TXNL1: variants seen among roughly 807,000 people sequenced by gnomAD.
TXNL1 encodes thioredoxin-like protein 1.
A neutral mutation model predicts 35.5 loss-of-function variants in TXNL1; 14 were observed. The observed-to-expected ratio is 0.39, with a 90% CI of 0.26 to 0.62. The LOEUF is 0.62. Among genes scored for constraint, TXNL1 ranks in the 20% least tolerant of loss-of-function variants. The probability of loss-of-function intolerance (pLI) is 0.47; values close to 1 mark genes in which losing one functional copy is unlikely to be tolerated. For missense variants in TXNL1, 263 were observed against 349.7 expected, an observed-to-expected ratio of 0.75 and a Z score of 1.98; for synonymous variants, 110 against 115.5, an observed-to-expected ratio of 0.95 and a Z score of 0.31.
intron 2 of TXNL1, among the ~76,000 whole-genome samples, chr18:56,625,212 C>G (rs917839267): frequency 1.3e-5 from 2 of 152,038 alleles, no homozygotes; most frequent in African/African-American, 4.8e-5. Context: ...CTCAAAGCCT[C>G]TAGGTGAAAA....
intron 3 of TXNL1, among the ~76,000 whole-genome samples, chr18:56,620,188 A>G (rs972650004): frequency 6.6e-6 from 1 of 151,606 alleles, no homozygotes; most frequent in African/African-American, 2.4e-5. Context: ...CTGGTCTCCA[A>G]CTCCTGGCCT....
intron 6 of TXNL1, among the ~76,000 whole-genome samples, chr18:56,611,845 A>ATTTTTTTTT (rs375995266): frequency 8.6e-6 from 1 of 116,490 alleles, no homozygotes; most frequent in South Asian, 3.0e-4. Flanking sequence ...CACCCGGCTA[A>ATTTTTTTTT]TTTTTTTTTT....
At chr18:56,631,415 TTTC>T (rs755581772) in intron 1 of TXNL1, among the ~76,000 whole-genome samples, 10 of 152,162 alleles carry the variant, frequency 6.6e-5, no homozygotes, top group African/African-American at 1.4e-4. Context: ...CAATCTACGA[TTTC>T]TTATTTCACT....
At chr18:56,610,055 G>C (rs956457734) in intron 7 of TXNL1, 1 of 152,142 alleles carries the variant, frequency 6.6e-6, no homozygotes, top group Non-Finnish European at 1.5e-5. Flanking sequence ...GAATGAGAGT[G>C]CTCAAGATGT....
intron 1 of TXNL1, among the ~76,000 whole-genome samples, chr18:56,635,630 A>T (rs2024443996): frequency 6.6e-6 from 1 of 152,228 alleles, no homozygotes; most frequent in Non-Finnish European, 1.5e-5. Context: ...ATTACTGCTT[A>T]ATGGGTACAG....
chr18:56,607,008 G>C (rs537627840), intron 7 of TXNL1, among the ~76,000 whole-genome samples: 36 of 152,072 alleles, frequency 2.4e-4, no homozygotes, highest in Non-Finnish European at 2.9e-5. Context: ...CTTTCTTTTT[G>C]ATATGGGGTC....
At position 56,638,332 on chromosome 18, in the gene TXNL1, C is replaced by T. The variant is rs1271875463; in HGVS notation, c.98+11G>A. The T allele has an allele frequency of 6.2e-7, 1 of 1,608,726 alleles. No homozygotes were observed. Among genetic ancestry groups the T allele is most frequent in the East Asian group, 2.2e-5 (1 of 44,670 alleles). On this transcript the variant is annotated intron_variant, in intron 1 of 7. Coordinates refer to ENST00000217515, the MANE Select transcript of TXNL1 (RefSeq NM_004786.3). Reference sequence around the variant, plus strand: ...CAGACGGGGACCCACAGAGCTCGAGCCTGGCCTCACCCTCTCATGGTGAAC... The same window carrying T: ...CAGACGGGGACCCACAGAGCTCGAGTCTGGCCTCACCCTCTCATGGTGAAC...
rs144935101 is a variant in TXNL1 at position 56,602,821 on chromosome 18, A to G, written c.*206T>C. 3.8e-4 allele frequency: 237 copies of G among 627,166 alleles called. 1 individual carries two copies. In the African/African-American group the frequency reaches 4.0e-3, roughly 11 times the overall value. The allele number at this position is 627,166 out of a possible 1,614,324, so 38.9% of individuals were successfully genotyped here. A position where few individuals can be genotyped will look rare whatever the true frequency, so the allele number is the denominator to read the frequency against. On this transcript the variant is annotated 3_prime_UTR_variant, in exon 8 of 8. Coordinates refer to ENST00000217515, the MANE Select transcript of TXNL1 (RefSeq NM_004786.3). Reference sequence around the variant, plus strand: ...AAAATACTGATTTAGAAAGACAAAAATTAAGCTTGGCAAAAGTGGTGACTT... The same window carrying G: ...AAAATACTGATTTAGAAAGACAAAAGTTAAGCTTGGCAAAAGTGGTGACTT...
In TXNL1 at chr18:56,616,146, A is replaced by G. The variant is rs570193891; in HGVS notation, c.562+99T>C. The G allele has an allele frequency of 5.9e-5, 65 of 1,093,064 alleles. 1 individual carries two copies. The South Asian group carries it at 8.8e-4, about 15-fold the overall frequency. The allele number at this position is 1,093,064 out of a possible 1,614,324, so 67.7% of individuals were successfully genotyped here. On this transcript the variant is annotated intron_variant, in intron 5 of 7. Coordinates refer to ENST00000217515, the MANE Select transcript of TXNL1 (RefSeq NM_004786.3). ...GACTCTGTCTCAAAAAAAAAAAAAAAGAAAAAACAAGTACCTCTATTTAAT... is the reference window on the plus strand; with the variant it reads ...GACTCTGTCTCAAAAAAAAAAAAAAGGAAAAAACAAGTACCTCTATTTAAT...
chr18:56,632,083 T>C (rs1473057884), intron 1 of TXNL1, among the ~76,000 whole-genome samples: 2 of 152,186 alleles, frequency 1.3e-5, no homozygotes, highest in Non-Finnish European at 2.9e-5. Flanking sequence ...AATTCATAAA[T>C]ATAATCCAAG....
At chr18:56,635,162 G>A (rs753368073) in intron 1 of TXNL1, among the ~76,000 whole-genome samples, 3 of 152,160 alleles carry the variant, frequency 2.0e-5, no homozygotes, top group Non-Finnish European at 4.4e-5. Context: ...AGAGGCTGAT[G>A]TGGGAGGATT....
At chr18:56,609,057 G>A (rs912333479) in intron 7 of TXNL1, 14 of 150,690 alleles carry the variant, frequency 9.3e-5, no homozygotes, top group Admixed American at 2.6e-4. Flanking sequence ...TCATTAACAT[G>A]TGTTCATTAT....
In TXNL1 at chr18:56,601,219, A is replaced by G. The variant is rs1034283061; in HGVS notation, c.*1808T>C. 1 of 152,232 alleles carries G rather than the reference A, an allele frequency of 6.6e-6. No homozygotes were observed. Among genetic ancestry groups the G allele is most frequent in the Non-Finnish European group, 1.5e-5 (1 of 68,044 alleles). The allele number at this position is 152,232 out of a possible 1,614,324, so 9.4% of individuals were successfully genotyped here. A position where few individuals can be genotyped will look rare whatever the true frequency, so the allele number is the denominator to read the frequency against. On this transcript the variant is annotated 3_prime_UTR_variant, in exon 8 of 8. Coordinates refer to ENST00000217515, the MANE Select transcript of TXNL1 (RefSeq NM_004786.3). ...TAATAGTAAGATTTCCCATTAAGTGAAACGTTATAGTTACCTATAAACGTT... is the reference window on the plus strand; with the variant it reads ...TAATAGTAAGATTTCCCATTAAGTGGAACGTTATAGTTACCTATAAACGTT...
chr18:56,625,698 A>C (rs2024266221), intron 2 of TXNL1, among the ~76,000 whole-genome samples: 1 of 152,202 alleles, frequency 6.6e-6, no homozygotes, highest in Non-Finnish European at 1.5e-5. Flanking sequence ...TAATATTCTA[A>C]AATTTTTTCC....
At chr18:56,617,085 A>C (rs2024100154) in intron 4 of TXNL1, among the ~76,000 whole-genome samples, 1 of 152,192 alleles carries the variant, frequency 6.6e-6, no homozygotes, top group Admixed American at 6.5e-5. Flanking sequence ...CAAGAAACAC[A>C]ATGTGAATGA....
chr18:56,632,540 A>G (rs2024389535), intron 1 of TXNL1, among the ~76,000 whole-genome samples: 1 of 152,248 alleles, frequency 6.6e-6, no homozygotes, highest in South Asian at 2.1e-4. Context: ...GCTATGCTAA[A>G]AAGTCCAAAA....
intron 3 of TXNL1, 34 bp downstream of exon 3, chr18:56,624,254 T>C (rs761647744): frequency 4.4e-6 from 7 of 1,593,106 alleles, no homozygotes; most frequent in Non-Finnish European, 5.1e-6. Context: ...TACAAGATAT[T>C]ATACATTATG....
chr18:56,633,176 G>A (rs1039694392), intron 1 of TXNL1, among the ~76,000 whole-genome samples: 1 of 149,996 alleles, frequency 6.7e-6, no homozygotes, highest in Admixed American at 6.7e-5. Flanking sequence ...GGCAGGGCAC[G>A]GTGGCTCACG....
chr18:56,631,693 G>C (rs2024373830), intron 1 of TXNL1, among the ~76,000 whole-genome samples: 1 of 152,170 alleles, frequency 6.6e-6, no homozygotes, highest in East Asian at 1.9e-4. Flanking sequence ...GCCAAGGCTG[G>C]TGGATCACCT....
Sources: gnomAD v4.1 joint callset for allele counts (sites outside exome capture counted in the v4.1 genomes callset) on GRCh38, gnomAD v4.1.1 for gene constraint, MANE v1.5 for transcripts, NCBI Gene and HGNC (gene_info 2026-07-23, HGNC 2026-07-21) for gene names.